Variants in CHST9 observed in about 807,000 individuals in gnomAD.
CHST9 encodes the protein carbohydrate sulfotransferase 9, also known as GalNAc-4-sulfotransferase 2.
In CHST9, 41 loss-of-function variants were observed where a neutral mutation model predicts 44.4. The observed-to-expected ratio is 0.92, with a 90% CI of 0.72 to 1.20. CHST9 has a LOEUF of 1.20. Ranked by LOEUF, CHST9 falls within the 50% of genes most tolerant of loss-of-function variation. The probability of loss-of-function intolerance (pLI) is 0.00; values close to 1 mark genes in which losing one functional copy is unlikely to be tolerated. For missense variants in CHST9, 504 were observed against 516.5 expected, an observed-to-expected ratio of 0.98 and a Z score of 0.23; for synonymous variants, 171 against 178.4, an observed-to-expected ratio of 0.96 and a Z score of 0.33.
intron 2 of CHST9, among the ~76,000 whole-genome samples, chr18:27,074,671 T>C (rs181550877): frequency 2.6e-5 from 4 of 152,194 alleles, no homozygotes; most frequent in Non-Finnish European, 5.9e-5. Flanking sequence ...GGTATTCTAT[T>C]TATATAAAAC....
chr18:27,182,953 A>G (rs1406831969), intron 1 of CHST9, among the ~76,000 whole-genome samples: 1 of 152,210 alleles, frequency 6.6e-6, no homozygotes, highest in Non-Finnish European at 1.5e-5. Context: ...AAGATGTTAC[A>G]TTCTCCTGGA....
intron 2 of CHST9, among the ~76,000 whole-genome samples, chr18:27,062,521 A>G (rs1475598786): frequency 1.3e-5 from 2 of 152,172 alleles, no homozygotes; most frequent in African/African-American, 2.4e-5. Context: ...ATAGTATTCC[A>G]TGGTGTATAT....
chr18:27,011,438 C>T (rs980811489), intron 4 of CHST9, among the ~76,000 whole-genome samples: 2 of 151,980 alleles, frequency 1.3e-5, no homozygotes, highest in Non-Finnish European at 2.9e-5. Context: ...GCCAGGGCCC[C>T]ATGAAGAAAA....
chr18:26,960,571 T>G (rs1234248440), intron 4 of CHST9, among the ~76,000 whole-genome samples: 1 of 152,212 alleles, frequency 6.6e-6, no homozygotes, highest in Non-Finnish European at 1.5e-5. Context: ...AACAACAGAA[T>G]TGTTTATGCC....
At chr18:27,079,549 G>A (rs1362547443) in intron 2 of CHST9, among the ~76,000 whole-genome samples, 2 of 151,892 alleles carry the variant, frequency 1.3e-5, no homozygotes, top group Non-Finnish European at 2.9e-5. Context: ...ATTTATATCT[G>A]CCATCCTAAT....
intron 2 of CHST9, among the ~76,000 whole-genome samples, chr18:27,111,600 A>C (rs138831871): frequency 1.3e-4 from 20 of 152,316 alleles, no homozygotes; most frequent in South Asian, 6.2e-4. Flanking sequence ...AAACAGTTCA[A>C]GATCACCCAC....
At chr18:27,127,258 T>C (rs948285588) in intron 2 of CHST9, among the ~76,000 whole-genome samples, 1 of 151,966 alleles carries the variant, frequency 6.6e-6, no homozygotes, top group African/African-American at 2.4e-5. Flanking sequence ...AACATCAATA[T>C]CTAAGGGATG....
intron 2 of CHST9, among the ~76,000 whole-genome samples, chr18:27,102,230 G>C (rs904536430): frequency 1.3e-5 from 2 of 152,220 alleles, no homozygotes; most frequent in African/African-American, 4.8e-5. Context: ...TAATTAGTAT[G>C]TTAAAACTTT....
chr18:27,110,490 C>CTGCTCTGG (rs2058261805), intron 2 of CHST9, among the ~76,000 whole-genome samples: 1 of 152,166 alleles, frequency 6.6e-6, no homozygotes, highest in Non-Finnish European at 1.5e-5. Context: ...ATCATGTAAC[C>CTGCTCTGG]AAATTACTTC....
At chr18:27,015,982 T>C (rs532582451) in intron 4 of CHST9, among the ~76,000 whole-genome samples, 1 of 152,206 alleles carries the variant, frequency 6.6e-6, no homozygotes, top group South Asian at 2.1e-4. Flanking sequence ...GGATCCTAAA[T>C]TCAAACCCAC....
chr18:27,053,263 A>AAGAAGAAGAAGAAGAG (rs2057604513), intron 2 of CHST9, among the ~76,000 whole-genome samples: 1 of 69,350 alleles, frequency 1.4e-5, no homozygotes, highest in African/African-American at 5.6e-5. Context: ...AAGAAGAAGG[A>AAGAAGAAGAAGAAGAG]GAAGGAGAAG....
intron 2 of CHST9, among the ~76,000 whole-genome samples, chr18:27,090,443 T>G (rs1004049678): frequency 5.9e-5 from 9 of 152,184 alleles, no homozygotes; most frequent in Non-Finnish European, 1.3e-4. Context: ...AGAAGCTCTT[T>G]AGTTTAATTA....
At chr18:27,012,791 G>C (rs534092625) in intron 4 of CHST9, among the ~76,000 whole-genome samples, 22 of 152,212 alleles carry the variant, frequency 1.4e-4, no homozygotes, top group African/African-American at 4.6e-4. Flanking sequence ...TAAAACAAAA[G>C]GTACAGTAAT....
chr18:27,124,922 T>C (rs1233206136), intron 2 of CHST9, among the ~76,000 whole-genome samples: 1 of 152,222 alleles, frequency 6.6e-6, no homozygotes, highest in Admixed American at 6.5e-5. Context: ...GCCTGATCAC[T>C]TTATGGATTT....
chr18:26,937,477 T>C (rs1020037833), intron 5 of CHST9, among the ~76,000 whole-genome samples: 5 of 152,040 alleles, frequency 3.3e-5, no homozygotes, highest in African/African-American at 1.2e-4. Flanking sequence ...GGGAGTGTAG[T>C]ATAATTGTGG....
chr18:27,020,903 A>T (rs1373903997), intron 4 of CHST9, among the ~76,000 whole-genome samples: 1 of 152,178 alleles, frequency 6.6e-6, no homozygotes, highest in Non-Finnish European at 1.5e-5. Flanking sequence ...GTGGATGGTG[A>T]GATAACTCAC....
intron 2 of CHST9, among the ~76,000 whole-genome samples, chr18:27,135,887 G>C (rs1350464168): frequency 6.6e-6 from 1 of 152,348 alleles, no homozygotes; most frequent in East Asian, 1.9e-4. Context: ...TGGGTGCTGA[G>C]GGTCTGCAAT....
At chr18:26,956,616 G>A (rs897767844) in intron 4 of CHST9, among the ~76,000 whole-genome samples, 1 of 151,686 alleles carries the variant, frequency 6.6e-6, no homozygotes, top group Non-Finnish European at 1.5e-5. Flanking sequence ...AATATTCTCT[G>A]GCCTATGCAA....
chr18:26,955,025 C>A (rs9948509), intron 4 of CHST9, among the ~76,000 whole-genome samples: 175 of 152,102 alleles, frequency 1.2e-3, no homozygotes, highest in African/African-American at 4.0e-3. Context: ...CTGCTCCTGG[C>A]CCTGGTTTGC....
Sources: gnomAD v4.1 joint callset for allele counts (sites outside exome capture counted in the v4.1 genomes callset) on GRCh38, gnomAD v4.1.1 for gene constraint, MANE v1.5 for transcripts, NCBI Gene and HGNC (gene_info 2026-07-23, HGNC 2026-07-21) for gene names.